Variants in NRCAM observed in about 807,000 individuals in gnomAD.
NRCAM encodes the protein neuronal cell adhesion molecule.
Under a neutral mutation model 156.5 loss-of-function variants are expected in NRCAM, and 83 were observed. The observed-to-expected ratio is 0.53, with a 90% CI of 0.44 to 0.64. The LOEUF (loss-of-function observed/expected upper bound fraction) is 0.64. Among genes scored for constraint, NRCAM ranks in the 30% least tolerant of loss-of-function variants. The pLI is 0.00. For synonymous variants in NRCAM, 538 were observed against 563.9 expected, an observed-to-expected ratio of 0.95 and a Z score of 0.65; for missense variants, 1,417 against 1,597.3, an observed-to-expected ratio of 0.89 and a Z score of 1.92.
Position 108,405,903 on chromosome 7 carries a change from G to A in NRCAM, c.-331-6310C>T, listed in dbSNP as rs1261804208. Among the ~76,000 whole-genome samples, 5 of 151,988 alleles carry A rather than the reference G, an allele frequency of 3.3e-5. No homozygotes were observed. The East Asian group carries it at 9.6e-4, about 29-fold the overall frequency. ...GAAGGCCAAGGTGGGAGGACTGCTT[G>A]GGCCCAGAAGTTCAAGACCAGCCTG... is the stretch of plus-strand genomic sequence containing the variant. On this transcript the variant is annotated intron_variant, in intron 1 of 32. Transcript: ENST00000379028.
rs979893212 is a variant in NRCAM at position 108,148,543 on chromosome 7, T to A, written c.*1367A>T. ...TGATAGATATTGTTTATGAATACGA[T>A]AGAATATATATTTACTTTTTAAACT... On this transcript the variant is annotated 3_prime_UTR_variant, in exon 33 of 33. Coordinates refer to ENST00000379028, the MANE Select transcript of NRCAM (RefSeq NM_001037132.4). 1 of 152,668 alleles carries A rather than the reference T, an allele frequency of 6.6e-6. No homozygotes were observed. The allele number at this position is 152,668 out of a possible 1,614,324, so 9.5% of individuals were successfully genotyped here.
intron 3 of NRCAM, among the ~76,000 whole-genome samples, chr7:108,307,695 C>A: frequency 6.6e-6 from 1 of 151,042 alleles, no homozygotes; most frequent in African/African-American, 2.4e-5. Context: ...AAAAAAAAAC[C>A]CAAGCATCTA....
chr7:108,178,270 C>T (rs1188857961), intron 25 of NRCAM, 158 bp from the exon 26 acceptor site: 7 of 619,568 alleles, frequency 1.1e-5, no homozygotes, highest in South Asian at 8.8e-5. Flanking sequence ...GTGACAGGCA[C>T]CCATTTAGTT....
chr7:108,277,598 G>C (rs946033712), intron 3 of NRCAM, among the ~76,000 whole-genome samples: 2 of 151,860 alleles, frequency 1.3e-5, no homozygotes, highest in Non-Finnish European at 2.9e-5. Flanking sequence ...GGTCATTTGA[G>C]GTCTTCTCTA....
At chr7:108,276,810 G>A (rs2097647869) in intron 3 of NRCAM, among the ~76,000 whole-genome samples, 1 of 152,188 alleles carries the variant, frequency 6.6e-6, no homozygotes, top group Non-Finnish European at 1.5e-5. Flanking sequence ...CCCATTAATT[G>A]ATGCAGTTTC....
chr7:108,436,375 T>C (rs1832242179), intron 1 of NRCAM, among the ~76,000 whole-genome samples: 2 of 152,198 alleles, frequency 1.3e-5, no homozygotes, highest in Non-Finnish European at 2.9e-5. Flanking sequence ...TATTCTAATA[T>C]AGAAATAATT....
chr7:108,319,895 T>C (rs2098979983), intron 2 of NRCAM, among the ~76,000 whole-genome samples: 1 of 152,234 alleles, frequency 6.6e-6, no homozygotes, highest in African/African-American at 2.4e-5. Context: ...TTCAGCCTTT[T>C]ATCCTAAGGG....
chr7:108,291,214 T>C (rs944388524), intron 3 of NRCAM, among the ~76,000 whole-genome samples: 2 of 152,184 alleles, frequency 1.3e-5, no homozygotes, highest in African/African-American at 2.4e-5. Context: ...GAATTAAACA[T>C]GCCATGGAAA....
intron 2 of NRCAM, among the ~76,000 whole-genome samples, chr7:108,352,909 C>T (rs188754301): frequency 6.6e-6 from 1 of 152,304 alleles, no homozygotes; most frequent in East Asian, 1.9e-4. Context: ...TCTAATTCAT[C>T]AGTAAATCTC....
chr7:108,385,906 A>AGAGGGAGG (rs3077978), intron 2 of NRCAM, among the ~76,000 whole-genome samples: 1 of 142,712 alleles, frequency 7.0e-6, no homozygotes, highest in Non-Finnish European at 1.5e-5. Flanking sequence ...CTATGGAGAG[A>AGAGGGAGG]GAGGGAGGGA....
intron 25 of NRCAM, 26 bp from the exon 26 acceptor site, chr7:108,178,138 A>C (rs1301070373): frequency 6.2e-7 from 1 of 1,604,898 alleles, no homozygotes; most frequent in African/African-American, 1.3e-5. Flanking sequence ...TACAGTCAAC[A>C]CAAAGATTTC....
chr7:108,435,169 A>T (rs1210607712), intron 1 of NRCAM, among the ~76,000 whole-genome samples: 3 of 152,246 alleles, frequency 2.0e-5, no homozygotes, highest in African/African-American at 7.2e-5. Flanking sequence ...GGAAAATCTG[A>T]TGCCAATTTC....
intron 2 of NRCAM, among the ~76,000 whole-genome samples, chr7:108,381,520 T>C (rs113773838): frequency 6.6e-6 from 1 of 152,212 alleles, no homozygotes; most frequent in African/African-American, 2.4e-5. Context: ...AAGAGTTGCT[T>C]TGAGCTGGTC....
intron 3 of NRCAM, among the ~76,000 whole-genome samples, chr7:108,295,744 G>A (rs574010049): frequency 8.5e-5 from 13 of 152,288 alleles, no homozygotes; most frequent in South Asian, 2.1e-4. Context: ...TTTTGAGTCC[G>A]CAGATGTGAA....
chr7:108,385,694 G>A (rs559919402), intron 2 of NRCAM, among the ~76,000 whole-genome samples: 6 of 152,292 alleles, frequency 3.9e-5, no homozygotes, highest in Admixed American at 1.3e-4. Context: ...GGTAAGGACT[G>A]TATACTTTAT....
chr7:108,446,373 C>T (rs1283503942), intron 1 of NRCAM, among the ~76,000 whole-genome samples: 1 of 152,150 alleles, frequency 6.6e-6, no homozygotes, highest in Non-Finnish European at 1.5e-5. Flanking sequence ...GGGCTGAGAA[C>T]AAAACCCCCC....
At chr7:108,379,918 T>C (rs1278928475) in intron 2 of NRCAM, among the ~76,000 whole-genome samples, 2 of 152,206 alleles carry the variant, frequency 1.3e-5, no homozygotes, top group East Asian at 3.9e-4. Flanking sequence ...GGGTTTCAAA[T>C]GGAGGAGAGA....
At chr7:108,353,876 C>A (rs1253207112) in intron 2 of NRCAM, among the ~76,000 whole-genome samples, 4 of 152,248 alleles carry the variant, frequency 2.6e-5, no homozygotes, top group Non-Finnish European at 4.4e-5. Flanking sequence ...CCATTATAAT[C>A]TCCATTGCAC....
intron 2 of NRCAM, among the ~76,000 whole-genome samples, chr7:108,330,687 G>A (rs931405585): frequency 3.3e-5 from 5 of 152,090 alleles, no homozygotes; most frequent in African/African-American, 1.2e-4. Context: ...TGCAGAAGGG[G>A]GCCCTTTGAA....
Sources: allele counts gnomAD v4.1 joint callset (sites outside exome capture counted in the v4.1 genomes callset), GRCh38; gene constraint gnomAD v4.1.1; transcripts MANE v1.5; gene names NCBI Gene and HGNC (gene_info 2026-07-23, HGNC 2026-07-21).